Variants in CRTAC1 observed in about 807,000 individuals in gnomAD.
CRTAC1 encodes the protein cartilage acidic protein 1.
A neutral mutation model predicts 67.8 loss-of-function variants in CRTAC1; 37 were observed. That is an observed-to-expected ratio of 0.55 (90% CI 0.42 to 0.72). The LOEUF (loss-of-function observed/expected upper bound fraction) is 0.72, where lower values mean the gene tolerates loss of function less well. CRTAC1 is among the 30% of genes least tolerant of loss of function. The pLI, the probability that CRTAC1 is intolerant of heterozygous loss-of-function variation, is 0.00. For missense variants in CRTAC1, 780 were observed against 931.6 expected (o/e 0.84, Z 2.12); for synonymous variants, 348 against 371.0 (o/e 0.94, Z 0.71).
At chr10:98,002,470 C>T (rs926534444) in intron 2 of CRTAC1, among the ~76,000 whole-genome samples, 1 of 152,126 alleles carries the variant, frequency 6.6e-6, no homozygotes, top group Non-Finnish European at 1.5e-5. Flanking sequence ...CCTTCCAAGG[C>T]CATTGAAATG....
At chr10:97,921,901 C>CTT (rs55837214) in intron 4 of CRTAC1, among the ~76,000 whole-genome samples, 4 of 144,924 alleles carry the variant, frequency 2.8e-5, no homozygotes, top group African/African-American at 1.0e-4. Context: ...GCCAGGTCAT[C>CTT]TTTTTTTTTT....
chr10:97,921,416 G>T lies in CRTAC1; in HGVS notation c.558+1848C>A, dbSNP rs1021074845. Among the ~76,000 whole-genome samples the T allele has an allele frequency of 9.9e-5, 15 of 152,228 alleles. No homozygotes were observed. In the East Asian group the frequency reaches 1.3e-3, roughly 14 times the overall value. ...GCATCTTCATTTTCAGGCAGGCAAGGTTCAATTCCTGGCTTTGCCTGTTGC... is the reference window on the plus strand; with the variant it reads ...GCATCTTCATTTTCAGGCAGGCAAGTTTCAATTCCTGGCTTTGCCTGTTGC... On this transcript the variant is annotated intron_variant, in intron 4 of 14. Coordinates refer to ENST00000370597, the MANE Select transcript of CRTAC1 (RefSeq NM_018058.7).
In CRTAC1 at chr10:98,009,288, G is replaced by A. The variant is rs574485987; in HGVS notation, c.224+1850C>T. On this transcript the variant is annotated intron_variant, in intron 2 of 14. Coordinates refer to ENST00000370597, the MANE Select transcript of CRTAC1 (RefSeq NM_018058.7). ...CATTTCACATACTCAGTAGCTACGT[G>A]TGGCTGGTGGATTCCATACTGGACA... is the stretch of plus-strand genomic sequence containing the variant. 3.3e-5 allele frequency among the ~76,000 whole-genome samples: 5 copies of A among 152,274 alleles called. 1 individual carries two copies. In the South Asian group the frequency reaches 1.0e-3, roughly 32 times the overall value.
chr10:97,944,089 C>G (rs577006477), intron 2 of CRTAC1, among the ~76,000 whole-genome samples: 1 of 152,030 alleles, frequency 6.6e-6, no homozygotes, highest in Non-Finnish European at 1.5e-5. Flanking sequence ...CTTAGGATGG[C>G]GACTGTAAGG....
At chr10:97,908,187 G>T (rs2050641300) in intron 5 of CRTAC1, 40 bp from the exon 6 acceptor site, 1 of 1,610,144 alleles carries the variant, frequency 6.2e-7, no homozygotes, top group East Asian at 2.2e-5. Context: ...GCAGAAGCAA[G>T]CCCCAGGCCC....
At chr10:97,894,708 TTACATATATATATATATATATA>T (rs1457614839) in intron 11 of CRTAC1, among the ~76,000 whole-genome samples, 1,345 of 39,970 alleles carry the variant, frequency 0.034, 66 homozygotes, top group African/African-American at 0.076. Flanking sequence ...CCTGATGCTT[TTACATATATATATATATATATA>T]TATATATATA....
At chr10:98,003,425 A>G (rs1449770243) in intron 2 of CRTAC1, among the ~76,000 whole-genome samples, 3 of 152,166 alleles carry the variant, frequency 2.0e-5, no homozygotes, top group African/African-American at 7.2e-5. Context: ...TCGAGGGATA[A>G]ATCTGTTTCC....
At chr10:97,963,910 A>G (rs1436575514) in intron 2 of CRTAC1, among the ~76,000 whole-genome samples, 1 of 152,232 alleles carries the variant, frequency 6.6e-6, no homozygotes. Flanking sequence ...GTAGCAAGCA[A>G]TGAGCTGGAG....
At chr10:97,983,625 G>C (rs1467848735) in intron 2 of CRTAC1, among the ~76,000 whole-genome samples, 1 of 152,184 alleles carries the variant, frequency 6.6e-6, no homozygotes, top group Non-Finnish European at 1.5e-5. Context: ...GACACATCAA[G>C]AACTACCACA....
intron 2 of CRTAC1, among the ~76,000 whole-genome samples, chr10:97,956,383 G>A (rs909107893): frequency 3.9e-5 from 6 of 152,140 alleles, no homozygotes; most frequent in Admixed American, 1.3e-4. Flanking sequence ...GACAGTGCAC[G>A]GATCAGACTG....
At chr10:97,997,932 G>A (rs1190137233) in intron 2 of CRTAC1, among the ~76,000 whole-genome samples, 1 of 152,180 alleles carries the variant, frequency 6.6e-6, no homozygotes, top group African/African-American at 2.4e-5. Context: ...ACATGTCTGA[G>A]TAGAGTCCCA....
intron 14 of CRTAC1, chr10:97,867,853 G>C (rs1170383934): frequency 6.6e-6 from 1 of 152,328 alleles, no homozygotes; most frequent in Non-Finnish European, 1.5e-5. Flanking sequence ...GACATGGGGA[G>C]CAGGATGAAC....
chr10:97,925,618 G>A (rs1390255725), intron 3 of CRTAC1, among the ~76,000 whole-genome samples: 1 of 145,522 alleles, frequency 6.9e-6, no homozygotes, highest in Non-Finnish European at 1.5e-5. Flanking sequence ...ATGAGTGAGA[G>A]TGAGTGTGAG....
At chr10:97,885,272 G>C (rs2050266891) in intron 11 of CRTAC1, among the ~76,000 whole-genome samples, 1 of 152,188 alleles carries the variant, frequency 6.6e-6, no homozygotes, top group Non-Finnish European at 1.5e-5. Context: ...GGATGAGGCA[G>C]AAGTATTGGC....
chr10:97,947,771 G>T (rs909029217), intron 2 of CRTAC1, among the ~76,000 whole-genome samples: 3 of 152,140 alleles, frequency 2.0e-5, no homozygotes, highest in African/African-American at 7.2e-5. Context: ...TATATTTTCT[G>T]GGTCAGGTAT....
chr10:97,918,411 G>A (rs1445743242), intron 4 of CRTAC1, among the ~76,000 whole-genome samples: 1 of 152,202 alleles, frequency 6.6e-6, no homozygotes, highest in South Asian at 2.1e-4. Context: ...TTATTATAAT[G>A]GTGCTATTTC....
chr10:97,919,937 CAG>C (rs1347589398), intron 4 of CRTAC1, among the ~76,000 whole-genome samples: 17 of 151,204 alleles, frequency 1.1e-4, no homozygotes, highest in Admixed American at 2.6e-4. Context: ...TTTGTAGAGA[CAG>C]AGTCTCCCTA....
At chr10:98,015,452 C>T (rs866993178) in intron 1 of CRTAC1, among the ~76,000 whole-genome samples, 9 of 152,030 alleles carry the variant, frequency 5.9e-5, no homozygotes, top group East Asian at 1.9e-4. Flanking sequence ...ACAATGTTAA[C>T]GTACATAACA....
At chr10:98,005,100 A>ATATATATATATATTTT in intron 2 of CRTAC1, among the ~76,000 whole-genome samples, 2 of 48,926 alleles carry the variant, frequency 4.1e-5, no homozygotes, top group African/African-American at 2.3e-4. Context: ...ATATATATAT[A>ATATATATATATATTTT]TTTTTTTTTT....
Sources: allele counts gnomAD v4.1 joint callset (sites outside exome capture counted in the v4.1 genomes callset), GRCh38; gene constraint gnomAD v4.1.1; transcripts MANE v1.5; gene names NCBI Gene and HGNC (gene_info 2026-07-23, HGNC 2026-07-21).